The following SAMD4B variants were observed in gnomAD, a reference collection of about 807,000 sequenced individuals.
SAMD4B encodes the protein sterile alpha motif domain containing 4B, also known as protein Smaug homolog 2.
SAMD4B carries 5 observed loss-of-function variants against 74.5 expected under a neutral mutation model. The observed-to-expected ratio is 0.07, with a 90% CI of 0.04 to 0.14. The LOEUF (loss-of-function observed/expected upper bound fraction) is 0.14. SAMD4B is among the 10% of genes least tolerant of loss of function. The pLI, the probability that SAMD4B is intolerant of heterozygous loss-of-function variation, is 1.00. For missense variants in SAMD4B, 608 were observed against 921.8 expected (o/e 0.66, Z 4.41); for synonymous variants, 373 against 374.9 (o/e 1.00, Z 0.06).
At chr19:39,368,686 A>G (rs2077117472) in intron 3 of SAMD4B, among the ~76,000 whole-genome samples, 1 of 152,186 alleles carries the variant, frequency 6.6e-6, no homozygotes, top group African/African-American at 2.4e-5. Context: ...GGAAGGGGAG[A>G]ATCTAGAAGC....
intron 1 of SAMD4B, among the ~76,000 whole-genome samples, chr19:39,345,431 G>A (rs2075638027): frequency 6.6e-6 from 1 of 152,086 alleles, no homozygotes. Context: ...TACCCCTCCA[G>A]CCCACTACCA....
At chr19:39,366,230 C>G (rs577172336) in intron 3 of SAMD4B, among the ~76,000 whole-genome samples, 4 of 152,208 alleles carry the variant, frequency 2.6e-5, no homozygotes, top group Non-Finnish European at 4.4e-5. Context: ...GCAGGAGAAT[C>G]GCTTGAACCC....
chr19:39,376,324 C>G (rs1314470449), intron 5 of SAMD4B, 113 bp from the exon 6 acceptor site: 2 of 802,388 alleles, frequency 2.5e-6, no homozygotes, highest in Non-Finnish European at 4.0e-6. Context: ...CCAACCCCCT[C>G]CCAATTTTTT....
At chr19:39,358,761 C>G (rs2076481783) in intron 3 of SAMD4B, among the ~76,000 whole-genome samples, 1 of 152,114 alleles carries the variant, frequency 6.6e-6, no homozygotes, top group Non-Finnish European at 1.5e-5. Flanking sequence ...CTCACTTAGT[C>G]CTCACAACAA....
Position 39,383,762 on chromosome 19 carries a change from G to T in SAMD4B, c.*235G>T. The stretch of plus-strand genomic sequence containing the variant: ...GGGAGTTGGGGGCAGCCAGGATAAA[G>T]GGGGCAGGGACTGGCCAGACTGCCT... On this transcript the variant is annotated 3_prime_UTR_variant, in exon 14 of 14. Coordinates refer to ENST00000610417, the MANE Select transcript of SAMD4B (RefSeq NM_001384574.2). This position sits in a 1 kb window ranked among gnomAD's most constrained non-coding sequence, Gnocchi z 4.1. The T allele has an allele frequency of 6.6e-7, 1 of 1,504,472 alleles. No homozygotes were observed. The highest frequency in any genetic ancestry group is 8.9e-7 in the Non-Finnish European group (1 of 1,119,578). 93.2% of individuals were successfully genotyped at this position (1,504,472 alleles called of 1,614,324 possible).
downstream of SAMD4B, chr19:39,388,504 C>T (rs2067102): frequency 0.013 from 20,503 of 1,614,034 alleles, 612 homozygotes; most frequent in African/African-American, 0.096. Flanking sequence ...CCATTTCTTC[C>T]CTATCCCAAT....
intron 5 of SAMD4B, 133 bp from the exon 6 acceptor site, chr19:39,376,304 T>C: frequency 1.5e-6 from 1 of 678,840 alleles, no homozygotes; most frequent in Non-Finnish European, 2.5e-6. Context: ...TGATGGAACC[T>C]TAGCTCCCCC....
intron 4 of SAMD4B, among the ~76,000 whole-genome samples, chr19:39,371,475 G>A (rs145292490): frequency 6.6e-6 from 1 of 152,304 alleles, no homozygotes; most frequent in African/African-American, 2.4e-5. Context: ...GAGCATCACA[G>A]TTCCAGGATG....
At chr19:39,389,530 A>T (rs1010301325), downstream of SAMD4B, 1 of 1,614,066 alleles carries the variant, frequency 6.2e-7, no homozygotes, top group Non-Finnish European at 8.5e-7. The surrounding 1 kb of genome is among the most constrained non-coding windows in gnomAD (Gnocchi z 5.3). Context: ...GTTTCTCATC[A>T]GCTGGATCTA....
chr19:39,388,582 TCTC>T (rs1257202946), downstream of SAMD4B: 4 of 1,613,916 alleles, frequency 2.5e-6, no homozygotes, highest in Admixed American at 1.7e-5. Flanking sequence ...GCATAGTCCA[TCTC>T]CTCCTCCTGG....
downstream of SAMD4B, chr19:39,388,330 G>C (rs1187487366): frequency 2.5e-6 from 4 of 1,613,888 alleles, no homozygotes; most frequent in African/African-American, 1.3e-5. Flanking sequence ...ATAGGAGTGT[G>C]CTGAGTACCT....
In SAMD4B at chr19:39,356,728, T is replaced by C. The variant is rs1015619573; in HGVS notation, c.-166T>C. The C allele has an allele frequency of 7.0e-6, 4 of 571,860 alleles. No homozygotes were observed. The highest frequency in any genetic ancestry group is 1.9e-5 in the African/African-American group (1 of 52,972). 35.4% of individuals were successfully genotyped at this position (571,860 alleles called of 1,614,324 possible). A position where few individuals can be genotyped will look rare whatever the true frequency, so the allele number is the denominator to read the frequency against. Reference sequence around the variant, plus strand: ...GTGGCTGGACCAAGACCTCCCCCCATGTGAGCAGGCTTCCTCCTCCCCCAA... The same window carrying C: ...GTGGCTGGACCAAGACCTCCCCCCACGTGAGCAGGCTTCCTCCTCCCCCAA... On this transcript the variant is annotated 5_prime_UTR_variant, in exon 3 of 14. An upstream start codon of the reference 5' UTR is lost. Transcript: ENST00000610417.
chr19:39,390,364 C>G, downstream of SAMD4B: 1 of 1,407,536 alleles, frequency 7.1e-7, no homozygotes, highest in Non-Finnish European at 9.6e-7. Flanking sequence ...CTTCCCCAAC[C>G]TTTCAAAAGG....
chr19:39,383,586 C>A lies in SAMD4B; in HGVS notation c.*59C>A. 6.2e-7 allele frequency: 1 copy of A among 1,614,108 alleles called. No individual in the cohort carries two copies. The highest frequency in any genetic ancestry group is 1.1e-5 in the South Asian group (1 of 91,076). Reference sequence around the variant, plus strand: ...CTGGGCGGCGGGCGGGGGCCAACCCCCAACGGGCTTCTCCGCGACAGCGAG... The same window carrying A: ...CTGGGCGGCGGGCGGGGGCCAACCCACAACGGGCTTCTCCGCGACAGCGAG... On this transcript the variant is annotated 3_prime_UTR_variant, in exon 14 of 14. Coordinates refer to ENST00000610417, the MANE Select transcript of SAMD4B (RefSeq NM_001384574.2). The surrounding 1 kb of genome is among the most constrained non-coding windows in gnomAD (Gnocchi z 4.1).
chr19:39,343,727 GCTT>G (rs1041046231), intron 1 of SAMD4B, among the ~76,000 whole-genome samples: 3 of 151,530 alleles, frequency 2.0e-5, no homozygotes, highest in African/African-American at 7.3e-5. Context: ...TATTCCAAAA[GCTT>G]CTTCCAAAAT....
At chr19:39,373,472 C>A (rs754728787) in intron 4 of SAMD4B, among the ~76,000 whole-genome samples, 1 of 109,872 alleles carries the variant, frequency 9.1e-6, no homozygotes, top group Non-Finnish European at 1.7e-5. Flanking sequence ...GTGAGGAGGG[C>A]AGCAAGCAAG....
Position 39,357,099 on chromosome 19 carries a change from C to T in SAMD4B, c.196+10C>T, listed in dbSNP as rs972799383. The stretch of plus-strand genomic sequence containing the variant: ...GAGGCCAACAGTGCTGGTGAGTTTC[C>T]ACCCTTAGAGATGGGAGCACAGCAG... On this transcript the variant is annotated intron_variant, in intron 3 of 13. Transcript: ENST00000610417. 1.3e-6 allele frequency: 2 copies of T among 1,597,298 alleles called. No individual in the cohort carries two copies. The highest frequency in any genetic ancestry group is 2.2e-5 in the South Asian group (2 of 89,476).
chr19:39,372,945 C>T (rs2145734921), intron 4 of SAMD4B, among the ~76,000 whole-genome samples: 1 of 152,282 alleles, frequency 6.6e-6, no homozygotes, highest in Middle Eastern at 3.4e-3. Context: ...CCTGGACACT[C>T]TGGGGTAGGG....
intron 3 of SAMD4B, among the ~76,000 whole-genome samples, chr19:39,368,810 AT>A (rs1210905023): frequency 1.3e-5 from 2 of 152,232 alleles, no homozygotes; most frequent in African/African-American, 4.8e-5. Context: ...TACTGTAATT[AT>A]CTCCAAAATT....
Sources: gnomAD v4.1 joint callset for allele counts (sites outside exome capture counted in the v4.1 genomes callset) on GRCh38, gnomAD v4.1.1 for gene constraint, Gnocchi (gnomAD v3.1) non-coding constraint, MANE v1.5 for transcripts, NCBI Gene and HGNC (gene_info 2026-07-23, HGNC 2026-07-21) for gene names.